TENM4: variants seen among roughly 807,000 people sequenced by gnomAD.
TENM4 encodes teneurin-4.
A neutral mutation model predicts 243.3 loss-of-function variants in TENM4; 82 were observed. The ratio of observed to expected loss-of-function variants is 0.34; its 90% CI spans 0.28 to 0.40. TENM4 has a LOEUF of 0.40. Among genes scored for constraint, TENM4 ranks in the 10% least tolerant of loss-of-function variants. The pLI, the probability that TENM4 is intolerant of heterozygous loss-of-function variation, is 1.00. For synonymous variants in TENM4, 1,412 were observed against 1,456.3 expected, an observed-to-expected ratio of 0.97 and a Z score of 0.69; for missense variants, 3,138 against 3,673.3, an observed-to-expected ratio of 0.85 and a Z score of 3.77.
intron 6 of TENM4, among the ~76,000 whole-genome samples, chr11:79,013,049 T>C (rs562465038): frequency 7.9e-5 from 12 of 152,300 alleles, no homozygotes; most frequent in African/African-American, 2.9e-4. Context: ...ACGAACAAGA[T>C]TTATGCAGTC....
chr11:78,853,527 G>A (rs565917632), intron 12 of TENM4, among the ~76,000 whole-genome samples: 21 of 152,130 alleles, frequency 1.4e-4, no homozygotes, highest in Non-Finnish European at 7.4e-5. Flanking sequence ...CATTTATTTC[G>A]CACATCAGGG....
chr11:79,377,028 A>T (rs939404166), intron 1 of TENM4, among the ~76,000 whole-genome samples: 1 of 152,202 alleles, frequency 6.6e-6, no homozygotes, highest in African/African-American at 2.4e-5. Context: ...TGGAGACTAA[A>T]TGCTATCACA....
intron 25 of TENM4, among the ~76,000 whole-genome samples, chr11:78,717,133 C>T (rs934628670): frequency 6.6e-6 from 1 of 152,216 alleles, no homozygotes; most frequent in African/African-American, 2.4e-5. Context: ...GTTCCTCAAA[C>T]ATAACCTTAG....
chr11:79,182,599 T>C (rs1357627693), intron 3 of TENM4, among the ~76,000 whole-genome samples: 1 of 152,006 alleles, frequency 6.6e-6, no homozygotes, highest in Admixed American at 6.6e-5. Context: ...AAACTTATGC[T>C]CTCTGGAAAA....
At chr11:79,349,486 T>A (rs1857380354) in intron 1 of TENM4, among the ~76,000 whole-genome samples, 1 of 152,202 alleles carries the variant, frequency 6.6e-6, no homozygotes. Flanking sequence ...CCAGAATCAA[T>A]CAATCAATCA....
At chr11:79,013,551 G>A (rs1231057610) in intron 6 of TENM4, among the ~76,000 whole-genome samples, 1 of 152,166 alleles carries the variant, frequency 6.6e-6, no homozygotes, top group African/African-American at 2.4e-5. Flanking sequence ...ATCATGGGGT[G>A]GGGAAGTGAC....
chr11:79,114,260 T>C (rs1388024644), intron 4 of TENM4, among the ~76,000 whole-genome samples: 3 of 152,054 alleles, frequency 2.0e-5, no homozygotes. Flanking sequence ...CTATGTTACA[T>C]AGAAAAAAAA....
intron 15 of TENM4, among the ~76,000 whole-genome samples, chr11:78,797,067 C>A (rs778714464): frequency 6.6e-6 from 1 of 152,222 alleles, no homozygotes; most frequent in African/African-American, 2.4e-5. Flanking sequence ...AACCTGATAC[C>A]TGATTTACTG....
chr11:78,863,333 T>C (rs1400676040), intron 9 of TENM4, among the ~76,000 whole-genome samples: 2 of 152,170 alleles, frequency 1.3e-5, no homozygotes, highest in Non-Finnish European at 2.9e-5. Context: ...GACCCTGCCC[T>C]CAAGGGGCTC....
intron 12 of TENM4, among the ~76,000 whole-genome samples, chr11:78,848,094 C>T (rs1858444232): frequency 1.8e-5 from 2 of 113,668 alleles, no homozygotes; most frequent in Non-Finnish European, 3.7e-5. Flanking sequence ...ATGAAAAACA[C>T]CACTGAACAT....
chr11:78,974,118 G>A (rs935521852), intron 6 of TENM4, among the ~76,000 whole-genome samples: 10 of 152,216 alleles, frequency 6.6e-5, no homozygotes, highest in Admixed American at 3.3e-4. Context: ...TAAAGGTCAG[G>A]ATGCCTGGGT....
At chr11:79,375,618 A>G (rs1262040079) in intron 1 of TENM4, among the ~76,000 whole-genome samples, 1 of 152,244 alleles carries the variant, frequency 6.6e-6, no homozygotes, top group Non-Finnish European at 1.5e-5. Flanking sequence ...ACATATATCT[A>G]ACACATACCT....
chr11:78,724,479 T>C lies in TENM4; in HGVS notation c.3551-1562A>G, dbSNP rs564841120. On this transcript the variant is annotated intron_variant, in intron 23 of 33. Coordinates refer to ENST00000278550, the MANE Select transcript of TENM4 (RefSeq NM_001098816.3). Reference sequence around the variant, plus strand: ...ACATCTGAATTTACTTTATATATAGTGTGAAGTGAGGACTTAATTTATCTC... The same window carrying C: ...ACATCTGAATTTACTTTATATATAGCGTGAAGTGAGGACTTAATTTATCTC... 2.4e-3 allele frequency among the ~76,000 whole-genome samples: 364 copies of C among 152,360 alleles called. 8 individuals are homozygous for C. Among genetic ancestry groups the C allele is most frequent in the Middle Eastern group, 0.01 (3 of 294 alleles).
intron 19 of TENM4, among the ~76,000 whole-genome samples, chr11:78,744,419 T>C (rs900451476): frequency 6.6e-6 from 1 of 152,230 alleles, no homozygotes; most frequent in African/African-American, 2.4e-5. Flanking sequence ...TTCAAACTTC[T>C]TTTGGTAAAG....
chr11:79,321,738 C>T (rs1168666518), intron 1 of TENM4, among the ~76,000 whole-genome samples: 1 of 148,854 alleles, frequency 6.7e-6, no homozygotes, highest in Non-Finnish European at 1.5e-5. Context: ...CAAAGCATAA[C>T]AAAGATGGAA....
chr11:79,427,061 G>A (rs1198645984), intron 1 of TENM4, among the ~76,000 whole-genome samples: 1 of 152,074 alleles, frequency 6.6e-6, no homozygotes, highest in African/African-American at 2.4e-5. Flanking sequence ...TCTGCTCAGG[G>A]CTTCTCCAGT....
chr11:79,062,182 G>C (rs972605537), intron 6 of TENM4, among the ~76,000 whole-genome samples: 1 of 152,014 alleles, frequency 6.6e-6, no homozygotes, highest in African/African-American at 2.4e-5. Flanking sequence ...GGCTGGTCTT[G>C]GACTCTGGCC....
intron 3 of TENM4, among the ~76,000 whole-genome samples, chr11:79,212,772 C>T (rs1045648878): frequency 6.6e-6 from 1 of 152,108 alleles, no homozygotes; most frequent in Non-Finnish European, 1.5e-5. Context: ...CAACACCTCC[C>T]GATTTAGTTT....
intron 2 of TENM4, among the ~76,000 whole-genome samples, chr11:79,260,135 T>C (rs1855771309): frequency 1.3e-5 from 2 of 152,232 alleles, no homozygotes; most frequent in South Asian, 2.1e-4. Flanking sequence ...AGAATAGATA[T>C]TGTTGTGACA....
Sources: allele counts gnomAD v4.1 joint callset (sites outside exome capture counted in the v4.1 genomes callset), GRCh38; gene constraint gnomAD v4.1.1; transcripts MANE v1.5; gene names NCBI Gene and HGNC (gene_info 2026-07-23, HGNC 2026-07-21).